PIK3C2G: variants seen among roughly 807,000 people sequenced by gnomAD.
The protein encoded by PIK3C2G is phosphatidylinositol 3-kinase C2 domain-containing subunit gamma.
In PIK3C2G, 168 loss-of-function variants were observed where a neutral mutation model predicts 181.1. The ratio of observed to expected loss-of-function variants is 0.93; its 90% CI spans 0.82 to 1.05. PIK3C2G has a LOEUF of 1.05. Ranked by LOEUF, PIK3C2G falls within the 50% of genes least tolerant of loss-of-function variation. The probability of loss-of-function intolerance (pLI) is 0.00; values close to 1 mark genes in which losing one functional copy is unlikely to be tolerated. For synonymous variants in PIK3C2G, 573 were observed against 592.2 expected, an observed-to-expected ratio of 0.97 and a Z score of 0.47; for missense variants, 1,869 against 1,732.8, an observed-to-expected ratio of 1.08 and a Z score of -1.40.
At position 18,343,287 on chromosome 12, in the gene PIK3C2G, G is replaced by T. The variant is rs181244082; in HGVS notation, c.1396-40G>T. ...TACTATTTGACTATTTTGTGAATTT[G>T]TTGTGCGAATAACAAGTATAATTTT... On this transcript the variant is annotated intron_variant, in intron 9 of 32. Coordinates refer to ENST00000538779, the MANE Select transcript of PIK3C2G (RefSeq NM_001288772.2). 4.6e-6 allele frequency: 5 copies of T among 1,090,982 alleles called. No homozygotes were observed. In the South Asian group the frequency reaches 7.2e-5, roughly 16 times the overall value. 67.6% of individuals were successfully genotyped at this position (1,090,982 alleles called of 1,614,324 possible).
At chr12:18,268,122 C>T (rs776244045) in intron 1 of PIK3C2G, among the ~76,000 whole-genome samples, 1 of 152,122 alleles carries the variant, frequency 6.6e-6, no homozygotes, top group East Asian at 1.9e-4. Context: ...TATTTATTCT[C>T]CTCCAGATAC....
At chr12:18,256,231 A>G (rs896852065) in intron 1 of PIK3C2G, among the ~76,000 whole-genome samples, 11 of 151,846 alleles carry the variant, frequency 7.2e-5, no homozygotes, top group African/African-American at 2.7e-4. Flanking sequence ...TAAGTCAAAC[A>G]CAGATTGGCT....
chr12:18,638,383 C>T (rs1045002421), intron 31 of PIK3C2G, among the ~76,000 whole-genome samples: 1 of 152,132 alleles, frequency 6.6e-6, no homozygotes, highest in Non-Finnish European at 1.5e-5. Context: ...AAAGAAGGCT[C>T]ATCAGAATTT....
At chr12:18,566,521 T>C (rs956978696) in intron 28 of PIK3C2G, among the ~76,000 whole-genome samples, 3 of 152,200 alleles carry the variant, frequency 2.0e-5, no homozygotes, top group African/African-American at 4.8e-5. Flanking sequence ...TGGACGCATA[T>C]GTCACTTGCT....
chr12:18,348,432 T>C (rs752411689), intron 11 of PIK3C2G, among the ~76,000 whole-genome samples: 13 of 152,182 alleles, frequency 8.5e-5, no homozygotes, highest in Non-Finnish European at 1.8e-4. Flanking sequence ...CTTTCTAATA[T>C]TGTTATATAC....
chr12:18,542,403 C>CTTATTTTAAACTT (rs1008267841), intron 25 of PIK3C2G, among the ~76,000 whole-genome samples: 1 of 151,608 alleles, frequency 6.6e-6, no homozygotes, highest in Non-Finnish European at 1.5e-5. Flanking sequence ...TTTTTTCTCT[C>CTTATTTTAAACTT]TTATTTTAAA....
intron 24 of PIK3C2G, among the ~76,000 whole-genome samples, chr12:18,510,725 T>C (rs1565463045): frequency 6.6e-6 from 1 of 152,142 alleles, no homozygotes; most frequent in East Asian, 1.9e-4. Context: ...TTTGAAAAAG[T>C]TATTATTTAT....
chr12:18,420,627 G>A (rs1395273943), intron 16 of PIK3C2G, among the ~76,000 whole-genome samples: 1 of 152,022 alleles, frequency 6.6e-6, no homozygotes, highest in Non-Finnish European at 1.5e-5. Flanking sequence ...AAGAAGCAAA[G>A]ATTTTCATAC....
chr12:18,411,884 G>A (rs1944884987), intron 16 of PIK3C2G, among the ~76,000 whole-genome samples: 1 of 151,956 alleles, frequency 6.6e-6, no homozygotes, highest in Non-Finnish European at 1.5e-5. Flanking sequence ...AGTTCTTTGA[G>A]TAAGATATTT....
chr12:18,620,487 C>A (rs1213450218), intron 31 of PIK3C2G, among the ~76,000 whole-genome samples: 1 of 151,734 alleles, frequency 6.6e-6, no homozygotes, highest in Non-Finnish European at 1.5e-5. Context: ...TTAAAGTGGG[C>A]TTCTTGTGCA....
intron 24 of PIK3C2G, among the ~76,000 whole-genome samples, chr12:18,532,763 G>A (rs1220816505): frequency 6.6e-6 from 1 of 152,124 alleles, no homozygotes; most frequent in East Asian, 1.9e-4. Flanking sequence ...ATCACAGTCT[G>A]GTAGGAGTGG....
intron 5 of PIK3C2G, among the ~76,000 whole-genome samples, chr12:18,302,229 C>A (rs891378491): frequency 6.6e-6 from 1 of 152,008 alleles, no homozygotes; most frequent in Non-Finnish European, 1.5e-5. Flanking sequence ...AGCAGAGGGC[C>A]GAGTGGATAG....
the PIK3C2G span, among the ~76,000 whole-genome samples, chr12:18,691,261 T>G: frequency 0.011 from 1,619 of 152,230 alleles, 34 homozygotes; most frequent in African/African-American, 0.037. Context: ...TTTGTTGACA[T>G]TTAAGTAAGA....
At chr12:18,461,266 T>G (rs755018129) in intron 18 of PIK3C2G, among the ~76,000 whole-genome samples, 11 of 152,188 alleles carry the variant, frequency 7.2e-5, no homozygotes, top group Non-Finnish European at 1.2e-4. Context: ...TAACATCATT[T>G]ATTGACTTAT....
At chr12:18,399,237 G>A (rs1421282236) in intron 15 of PIK3C2G, among the ~76,000 whole-genome samples, 1 of 150,594 alleles carries the variant, frequency 6.6e-6, no homozygotes, top group East Asian at 1.9e-4. Flanking sequence ...AGGCCCACTT[G>A]GATCTCAGTT....
At chr12:18,336,167 C>T (rs1565610692) in intron 8 of PIK3C2G, among the ~76,000 whole-genome samples, 1 of 152,006 alleles carries the variant, frequency 6.6e-6, no homozygotes, top group Non-Finnish European at 1.5e-5. Context: ...TAAAATTTAG[C>T]CCTCATTATC....
chr12:18,559,776 T>TTA (rs369459549), intron 26 of PIK3C2G, among the ~76,000 whole-genome samples: 49 of 42,718 alleles, frequency 1.1e-3, no homozygotes, highest in Non-Finnish European at 1.3e-3. Context: ...TTGTATGAAA[T>TTA]TATATATATA....
chr12:18,559,903 G>A (rs1212524418), intron 26 of PIK3C2G, among the ~76,000 whole-genome samples: 1 of 143,042 alleles, frequency 7.0e-6, no homozygotes, highest in Admixed American at 7.3e-5. Flanking sequence ...GAATGCAGTG[G>A]CCCAGTCTCG....
intron 24 of PIK3C2G, among the ~76,000 whole-genome samples, chr12:18,520,736 T>A (rs1329577314): frequency 6.6e-6 from 1 of 152,158 alleles, no homozygotes; most frequent in Non-Finnish European, 1.5e-5. Flanking sequence ...CATCTCATCC[T>A]CTGTCCAGTT....
Sources: allele counts gnomAD v4.1 joint callset (sites outside exome capture counted in the v4.1 genomes callset), GRCh38; gene constraint gnomAD v4.1.1; transcripts MANE v1.5; gene names NCBI Gene and HGNC (gene_info 2026-07-23, HGNC 2026-07-21).